GINS1: variants seen among roughly 807,000 people sequenced by gnomAD.
GINS1 encodes GINS complex subunit 1.
A neutral mutation model predicts 34.9 loss-of-function variants in GINS1; 26 were observed. The ratio of observed to expected loss-of-function variants is 0.74; its 90% confidence interval spans 0.55 to 1.03. The LOEUF is 1.03. Ranked by LOEUF, GINS1 falls within the 50% of genes least tolerant of loss-of-function variation. The pLI is 0.00. For synonymous variants in GINS1, 97 were observed against 84.4 expected (o/e 1.15, Z -0.82); for missense variants, 235 against 237.9 (o/e 0.99, Z 0.08).
intron 1 of GINS1, among the ~76,000 whole-genome samples, chr20:25,412,421 G>C (rs1394953576): frequency 6.6e-6 from 1 of 151,758 alleles, no homozygotes; most frequent in Non-Finnish European, 1.5e-5. Flanking sequence ...CAGGCGTGGT[G>C]GTGGGCGCCT....
rs112255080 is a variant in GINS1 at position 25,426,611 on chromosome 20, C to T, written c.447+1284C>T. Among the ~76,000 whole-genome samples, 1,065 of 151,878 alleles carry T rather than the reference C, an allele frequency of 7.0e-3. 5 individuals are homozygous for T. The highest frequency in any genetic ancestry group is 0.021 in the Middle Eastern group (6 of 292). ...TGCGATCTTGGCTCACCGCAACCTC[C>T]GCCTCCTGGGTTCAAGTGATTCTCT... On this transcript the variant is annotated intron_variant, in intron 5 of 6. Transcript: ENST00000262460.
chr20:25,411,776 C>G (rs572508520), intron 1 of GINS1, among the ~76,000 whole-genome samples: 13 of 151,972 alleles, frequency 8.6e-5, no homozygotes, highest in Non-Finnish European at 1.9e-4. Context: ...AACCCTGTCT[C>G]TACTAAAAAT....
chr20:25,408,209 C>A (rs993355740), intron 1 of GINS1, among the ~76,000 whole-genome samples: 1 of 152,182 alleles, frequency 6.6e-6, no homozygotes, highest in Non-Finnish European at 1.5e-5. Flanking sequence ...GGCATCTAAT[C>A]GTGGTCAGTA....
At chr20:25,433,164 C>A (rs1028984641) in intron 5 of GINS1, among the ~76,000 whole-genome samples, 2 of 151,906 alleles carry the variant, frequency 1.3e-5, no homozygotes, top group Non-Finnish European at 2.9e-5. Flanking sequence ...TAATCCATCC[C>A]CTTTAACATA....
At position 25,446,322 on chromosome 20, in the gene GINS1, A is replaced by G. The variant is rs2090512360; in HGVS notation, c.*331A>G. The G allele has an allele frequency of 8.7e-6, 2 of 230,210 alleles. No individual in the cohort carries two copies. Among genetic ancestry groups the G allele is most frequent in the Non-Finnish European group, 1.7e-5 (2 of 118,664 alleles). The allele number at this position is 230,210 out of a possible 1,614,324, so 14.3% of individuals were successfully genotyped here. On this transcript the variant is annotated 3_prime_UTR_variant, in exon 7 of 7. Transcript: ENST00000262460. ...AGTGTTGAGATCACAGGCGTGAGCC[A>G]CTGCACCCGGCCCCTACTCCTTTTT...
chr20:25,426,965 G>A (rs548765320), intron 5 of GINS1, among the ~76,000 whole-genome samples: 6 of 151,988 alleles, frequency 3.9e-5, no homozygotes, highest in Admixed American at 1.3e-4. Context: ...TGCTATGAAC[G>A]TGGATATATA....
At chr20:25,438,664 C>G (rs2090466891) in intron 5 of GINS1, among the ~76,000 whole-genome samples, 1 of 151,908 alleles carries the variant, frequency 6.6e-6, no homozygotes, top group African/African-American at 2.4e-5. Context: ...ACCTCCACCT[C>G]CCAGGCTCAA....
chr20:25,407,687 C>A lies in GINS1; in HGVS notation c.-134C>A. On this transcript the variant is annotated 5_prime_UTR_variant, in exon 1 of 7. Coordinates refer to ENST00000262460, the MANE Select transcript of GINS1 (RefSeq NM_021067.5). ...TGGCTAGCTTTGTTCGGCGCCAAAG[C>A]GCGGAGCGGAGGCCGAGGCGAGAGC... The A allele has an allele frequency of 2.8e-6, 2 of 721,764 alleles. No homozygotes were observed. The highest frequency in any genetic ancestry group is 1.7e-5 in the South Asian group (1 of 57,676). The allele number at this position is 721,764 out of a possible 1,614,324, so 44.7% of individuals were successfully genotyped here. A position where few individuals can be genotyped will look rare whatever the true frequency, so the allele number is the denominator to read the frequency against.
chr20:25,424,256 G>A (rs1168483274), intron 4 of GINS1, among the ~76,000 whole-genome samples: 2 of 152,112 alleles, frequency 1.3e-5, no homozygotes, highest in Non-Finnish European at 2.9e-5. Context: ...TTTTTTGAGA[G>A]CATTTCAACT....
Position 25,425,332 on chromosome 20 carries a change from G to C in GINS1, c.447+5G>C. The C allele has an allele frequency of 8.6e-7, 1 of 1,158,130 alleles. No homozygotes were observed. Among genetic ancestry groups the C allele is most frequent in the Non-Finnish European group, 1.3e-6 (1 of 778,750 alleles). The allele number at this position is 1,158,130 out of a possible 1,614,324, so 71.7% of individuals were successfully genotyped here. ...CCAAAAAGCCTATATATTGAAGTAT[G>C]TATATCTTTTTAAAATGCATTTTTC... On this transcript the variant is annotated splice_donor_5th_base_variant and intron_variant, in intron 5 of 6. Coordinates refer to ENST00000262460, the MANE Select transcript of GINS1 (RefSeq NM_021067.5).
At chr20:25,407,919 G>A (rs1232789317) in intron 1 of GINS1, 24 bp downstream of exon 1, 2 of 1,580,298 alleles carry the variant, frequency 1.3e-6, no homozygotes, top group Admixed American at 1.7e-5. Flanking sequence ...AGACTTGGAC[G>A]GGGCATGCCG....
intron 4 of GINS1, among the ~76,000 whole-genome samples, chr20:25,423,657 A>T (rs1240117190): frequency 1.5e-5 from 2 of 134,792 alleles, no homozygotes; most frequent in East Asian, 4.4e-4. Context: ...TGTTGCCCCC[A>T]GGCTGGAGTG....
At chr20:25,420,064 T>A (rs2090345517) in intron 4 of GINS1, among the ~76,000 whole-genome samples, 1 of 152,224 alleles carries the variant, frequency 6.6e-6, no homozygotes, top group Non-Finnish European at 1.5e-5. Context: ...GTGGCACTTT[T>A]CTGTGATTAC....
In GINS1 at chr20:25,441,639, A is replaced by G. The variant is rs1204799675; in HGVS notation, c.448-63A>G. 1.4e-5 allele frequency: 11 copies of G among 776,316 alleles called. No individual in the cohort carries two copies. In the Admixed American group the frequency reaches 2.3e-4, roughly 16 times the overall value. The allele number at this position is 776,316 out of a possible 1,614,324, so 48.1% of individuals were successfully genotyped here. ...CTGTGTATTTGTATAATGCTGATTT[A>G]TTTTTTGGTCACTGCATATTAAAAA... is the stretch of plus-strand genomic sequence containing the variant. On this transcript the variant is annotated intron_variant, in intron 5 of 6. Transcript: ENST00000262460.
At chr20:25,428,980 T>C (rs1293690979) in intron 5 of GINS1, among the ~76,000 whole-genome samples, 96 of 4,660 alleles carry the variant, frequency 0.021, 2 homozygotes, top group African/African-American at 0.045. Flanking sequence ...TTTTTTTTTT[T>C]TTTTTTTTTT....
At chr20:25,439,928 G>A (rs2090473393) in intron 5 of GINS1, among the ~76,000 whole-genome samples, 1 of 151,450 alleles carries the variant, frequency 6.6e-6, no homozygotes, top group Admixed American at 6.6e-5. Context: ...CTGGGAAGCG[G>A]AGGTTCCAGT....
At chr20:25,441,797 CT>C in intron 6 of GINS1, 21 bp downstream of exon 6, 1 of 1,221,518 alleles carries the variant, frequency 8.2e-7, no homozygotes, top group Non-Finnish European at 1.2e-6. Context: ...TCTTCAGATT[CT>C]TTACTTTAAA....
chr20:25,440,917 C>T (rs550170532), intron 5 of GINS1, among the ~76,000 whole-genome samples: 24 of 151,222 alleles, frequency 1.6e-4, no homozygotes, highest in African/African-American at 4.6e-4. Flanking sequence ...CTTTGGGTGT[C>T]TTGGTAAGGT....
intron 5 of GINS1, among the ~76,000 whole-genome samples, chr20:25,435,778 A>C (rs1379323568): frequency 5.7e-5 from 7 of 123,726 alleles, no homozygotes; most frequent in South Asian, 5.4e-4. Flanking sequence ...AAAAAAAAAA[A>C]AAAAAAAAAA....
Sources: gnomAD v4.1 joint callset for allele counts (sites outside exome capture counted in the v4.1 genomes callset) on GRCh38, gnomAD v4.1.1 for gene constraint, MANE v1.5 for transcripts, NCBI Gene and HGNC (gene_info 2026-07-23, HGNC 2026-07-21) for gene names.